Variants in DHRSX observed in about 807,000 individuals in gnomAD.
The protein encoded by DHRSX is dehydrogenase/reductase X-linked, also known as polyprenol dehydrogenase.
In DHRSX, 31 loss-of-function variants were observed where a neutral mutation model predicts 34.0. That is an observed-to-expected ratio of 0.91 (90% CI 0.69 to 1.23). The LOEUF is 1.23. Ranked by LOEUF, DHRSX falls within the 50% of genes most tolerant of loss-of-function variation. DHRSX has a pLI of 0.00. For missense variants in DHRSX, 414 were observed against 428.1 expected (o/e 0.97, Z 0.29); for synonymous variants, 201 against 183.8 (o/e 1.09, Z -0.76).
intron 1 of DHRSX, among the ~76,000 whole-genome samples, chrX:2,492,547 A>C (rs1403765607): frequency 1.3e-5 from 2 of 152,084 alleles, no homozygotes; most frequent in African/African-American, 4.8e-5. Context: ...AATTTTGTAG[A>C]TCTCATGAGT....
intron 3 of DHRSX, among the ~76,000 whole-genome samples, chrX:2,371,105 C>T (rs1000608551): frequency 1.3e-5 from 2 of 151,890 alleles, no homozygotes; most frequent in Admixed American, 1.3e-4. Flanking sequence ...AATAGTTCCT[C>T]CCCTATTACC....
chrX:2,269,248 AGTGT>A (rs2041516754), intron 4 of DHRSX, among the ~76,000 whole-genome samples: 2 of 152,028 alleles, frequency 1.3e-5, no homozygotes, highest in East Asian at 1.9e-4. Context: ...TGCTTGTATT[AGTGT>A]GTATGTATTT....
At chrX:2,399,407 A>T (rs1439048399) in intron 3 of DHRSX, among the ~76,000 whole-genome samples, 2 of 58,848 alleles carry the variant, frequency 3.4e-5, no homozygotes, top group African/African-American at 2.0e-4. Flanking sequence ...TTTTATGTTT[A>T]AAAAAAAAAA....
chrX:2,357,721 GA>G (rs1282543277), intron 3 of DHRSX, among the ~76,000 whole-genome samples: 1 of 120,794 alleles, frequency 8.3e-6, no homozygotes, highest in Admixed American at 8.2e-5. Flanking sequence ...AAAAAAAAAA[GA>G]ATCATTGCTT....
At chrX:2,489,554 C>T (rs1257012054) in intron 1 of DHRSX, 14 of 1,612,686 alleles carry the variant, frequency 8.7e-6, no homozygotes, top group African/African-American at 1.3e-5. Context: ...GGCCCACTCG[C>T]TGGCCTCCAG....
chrX:2,301,830 G>T (rs1214633929), intron 3 of DHRSX, among the ~76,000 whole-genome samples: 1 of 152,102 alleles, frequency 6.6e-6, no homozygotes, highest in Non-Finnish European at 1.5e-5. Context: ...TAGAGACAGG[G>T]TTTCACCATG....
chrX:2,457,051 G>A (rs888431877), intron 1 of DHRSX, among the ~76,000 whole-genome samples: 60 of 152,214 alleles, frequency 3.9e-4, no homozygotes, highest in African/African-American at 1.3e-3. Context: ...TGCCTGGGAT[G>A]GGTGGTGACA....
intron 3 of DHRSX, among the ~76,000 whole-genome samples, chrX:2,383,980 A>G (rs2043242825): frequency 6.6e-6 from 1 of 152,212 alleles, no homozygotes; most frequent in African/African-American, 2.4e-5. Context: ...CAACAGTGTG[A>G]CTCAGCAGGA....
At chrX:2,312,323 G>A (rs1045913110) in intron 3 of DHRSX, among the ~76,000 whole-genome samples, 1 of 151,976 alleles carries the variant, frequency 6.6e-6, no homozygotes, top group Non-Finnish European at 1.5e-5. Context: ...TTAGAGTCAG[G>A]GATGTTCGCT....
At chrX:2,438,446 T>G (rs4892818) in intron 1 of DHRSX, among the ~76,000 whole-genome samples, 137,089 of 152,142 alleles carry the variant, frequency 0.9, 61,848 homozygotes, top group East Asian at 1. Flanking sequence ...TAAGGTGGGC[T>G]GATCACCTGA....
chrX:2,450,165 T>C (rs2044196902), intron 1 of DHRSX, among the ~76,000 whole-genome samples: 1 of 151,698 alleles, frequency 6.6e-6, no homozygotes, highest in Admixed American at 6.6e-5. Flanking sequence ...AATAAATAAA[T>C]AAATAAAACA....
chrX:2,435,360 C>T (rs2043979411), intron 1 of DHRSX, among the ~76,000 whole-genome samples: 1 of 152,092 alleles, frequency 6.6e-6, no homozygotes, highest in Admixed American at 6.6e-5. Context: ...TATTGCTTTC[C>T]AAGATGTTAC....
At chrX:2,228,474 G>A (rs1339060100) in intron 6 of DHRSX, among the ~76,000 whole-genome samples, 15 of 73,340 alleles carry the variant, frequency 2.0e-4, no homozygotes, top group East Asian at 4.4e-4. Flanking sequence ...GGGAGGGAGG[G>A]AGGAAGGAAG....
chrX:2,272,484 C>T (rs2041570683), intron 4 of DHRSX, among the ~76,000 whole-genome samples: 3 of 152,124 alleles, frequency 2.0e-5, no homozygotes, highest in Admixed American at 2.0e-4. Context: ...TGCTCATTAA[C>T]TTTCTCGTTA....
chrX:2,468,748 G>A (rs969178770), intron 1 of DHRSX, among the ~76,000 whole-genome samples: 14 of 151,354 alleles, frequency 9.2e-5, no homozygotes, highest in African/African-American at 3.2e-4. Context: ...TAGGGATGGG[G>A]CCAAGGGACC....
chrX:2,301,485 G>C (rs528490479), intron 3 of DHRSX, among the ~76,000 whole-genome samples: 127 of 152,276 alleles, frequency 8.3e-4, no homozygotes, highest in African/African-American at 2.9e-3. Context: ...ACATTTCCAC[G>C]AGGTGTCTCT....
Position 2,276,135 on chromosome X carries a change from C to G in DHRSX, c.389-9188G>C, listed in dbSNP as rs767465694. Among the ~76,000 whole-genome samples, 532 of 152,324 alleles carry G rather than the reference C, an allele frequency of 3.5e-3. 2 individuals are homozygous for G. The highest frequency in any genetic ancestry group is 0.012 in the African/African-American group (504 of 41,572). ...GGGATTACAGGCGTGGGCCATCGCG[C>G]CCGGCCTGTTTCTTAAAATTTCAAT... On this transcript the variant is annotated intron_variant, in intron 4 of 6. Transcript: ENST00000334651.
intron 3 of DHRSX, chrX:2,338,119 G>C (rs1384758705): frequency 6.6e-6 from 1 of 151,304 alleles, no homozygotes; most frequent in African/African-American, 2.4e-5. Flanking sequence ...GATCACCCGA[G>C]GTCAGGAGTT....
chrX:2,320,056 C>T (rs1370941013), intron 3 of DHRSX, among the ~76,000 whole-genome samples: 4 of 151,448 alleles, frequency 2.6e-5, no homozygotes, highest in Non-Finnish European at 4.4e-5. Context: ...CTTGAACTCC[C>T]GACCTCAGGT....
Sources: gnomAD v4.1 joint callset for allele counts (sites outside exome capture counted in the v4.1 genomes callset) on GRCh38, gnomAD v4.1.1 for gene constraint, MANE v1.5 for transcripts, NCBI Gene and HGNC (gene_info 2026-07-23, HGNC 2026-07-21) for gene names.